SLC25A13: variants seen among roughly 807,000 people sequenced by gnomAD.
The protein encoded by SLC25A13 is electrogenic aspartate/glutamate antiporter SLC25A13, mitochondrial.
Under a neutral mutation model 85.5 loss-of-function variants are expected in SLC25A13, and 70 were observed. That is an observed-to-expected ratio of 0.82 (90% CI 0.68 to 1.00). The LOEUF is 1.00. Ranked by LOEUF, SLC25A13 falls within the 50% of genes least tolerant of loss-of-function variation. The pLI, the probability that SLC25A13 is intolerant of heterozygous loss-of-function variation, is 0.00. For synonymous variants in SLC25A13, 259 were observed against 288.7 expected, an observed-to-expected ratio of 0.90 and a Z score of 1.04; for missense variants, 765 against 819.8, an observed-to-expected ratio of 0.93 and a Z score of 0.82.
chr7:96,146,535 CT>C lies in SLC25A13; in HGVS notation c.1452+20del, dbSNP rs1237008731. Reference sequence around the variant, plus strand: ...GATGAGAAAGTAATCAAATAAATGACTAAAAAAAAAAAAAAGTTACCTTGTA... The same window carrying C: ...GATGAGAAAGTAATCAAATAAATGACAAAAAAAAAAAAAAGTTACCTTGTA... On this transcript the variant is annotated intron_variant, in intron 14 of 17. Transcript: ENST00000265631. 2 of 1,553,612 alleles carry C rather than the reference CT, an allele frequency of 1.3e-6. No individual in the cohort carries two copies. Among genetic ancestry groups the C allele is most frequent in the Non-Finnish European group, 1.8e-6 (2 of 1,133,648 alleles).
chr7:96,162,323 TG>T (rs1793539080), intron 13 of SLC25A13, among the ~76,000 whole-genome samples: 1 of 152,208 alleles, frequency 6.6e-6, no homozygotes, highest in African/African-American at 2.4e-5. Context: ...TAAGGAATGG[TG>T]ACTTTGAGTA....
intron 4 of SLC25A13, among the ~76,000 whole-genome samples, chr7:96,221,663 ATATT>A (rs1374743904): frequency 6.6e-6 from 1 of 152,190 alleles, no homozygotes; most frequent in Non-Finnish European, 1.5e-5. Flanking sequence ...CTAGCTTTAT[ATATT>A]TAATATTAAA....
In SLC25A13 at chr7:96,278,872, A is replaced by T. The variant is rs564482219; in HGVS notation, c.70-1534T>A. 9.8e-5 allele frequency among the ~76,000 whole-genome samples: 15 copies of T among 152,320 alleles called. No individual in the cohort carries two copies. In the South Asian group the frequency reaches 3.1e-3, roughly 32 times the overall value. ...CCAAAACAAGATGAAAATATAAAGG[A>T]AATATCACTGCTAATTACAGCAATC... On this transcript the variant is annotated intron_variant, in intron 2 of 17. Transcript: ENST00000265631.
intron 4 of SLC25A13, among the ~76,000 whole-genome samples, chr7:96,231,482 T>A (rs1202777840): frequency 6.6e-6 from 1 of 152,110 alleles, no homozygotes. Context: ...CCCAGCAGTT[T>A]GGGAGGCTGA....
intron 5 of SLC25A13, among the ~76,000 whole-genome samples, chr7:96,197,375 AAGG>A (rs1311505006): frequency 6.6e-6 from 1 of 152,196 alleles, no homozygotes; most frequent in Admixed American, 6.5e-5. Flanking sequence ...AGCAGAGACC[AAGG>A]AGGAGAGAAA....
chr7:96,177,250 G>C (rs569509828), intron 11 of SLC25A13, among the ~76,000 whole-genome samples: 2 of 152,306 alleles, frequency 1.3e-5, no homozygotes, highest in Non-Finnish European at 2.9e-5. Flanking sequence ...CAAGCAGTGA[G>C]AGCACATGTG....
intron 1 of SLC25A13, among the ~76,000 whole-genome samples, chr7:96,314,083 A>G (rs1005328036): frequency 1.3e-5 from 2 of 152,124 alleles, no homozygotes; most frequent in Non-Finnish European, 2.9e-5. Flanking sequence ...AAAGAAGACG[A>G]AAGAAGAAAG....
At chr7:96,158,906 T>C (rs1429022655) in intron 13 of SLC25A13, among the ~76,000 whole-genome samples, 2 of 152,212 alleles carry the variant, frequency 1.3e-5, no homozygotes, top group Non-Finnish European at 2.9e-5. Flanking sequence ...ACTAACTCAA[T>C]GTTAAATAGA....
intron 5 of SLC25A13, among the ~76,000 whole-genome samples, chr7:96,194,442 CAAA>C (rs546248549): frequency 2.7e-3 from 74 of 27,682 alleles, no homozygotes; most frequent in South Asian, 4.5e-3. Flanking sequence ...AACCTTGTCT[CAAA>C]AAAAAAAAAA....
At chr7:96,182,081 A>G (rs780544159) in intron 11 of SLC25A13, among the ~76,000 whole-genome samples, 2 of 152,218 alleles carry the variant, frequency 1.3e-5, no homozygotes, top group Non-Finnish European at 2.9e-5. Flanking sequence ...CTCTTACCCA[A>G]TAAGCACTTA....
chr7:96,289,998 G>C (rs1243551263), intron 2 of SLC25A13, among the ~76,000 whole-genome samples: 1 of 152,152 alleles, frequency 6.6e-6, no homozygotes, highest in Non-Finnish European at 1.5e-5. Flanking sequence ...AAAATGTTAA[G>C]GGCAGCCAGA....
chr7:96,229,752 C>T (rs1796464416), intron 4 of SLC25A13, among the ~76,000 whole-genome samples: 1 of 152,112 alleles, frequency 6.6e-6, no homozygotes, highest in Non-Finnish European at 1.5e-5. Flanking sequence ...AGCTTCACTC[C>T]TGAAGCCAGC....
chr7:96,312,486 C>T (rs959278645), intron 1 of SLC25A13, among the ~76,000 whole-genome samples: 5 of 152,100 alleles, frequency 3.3e-5, no homozygotes, highest in Non-Finnish European at 2.9e-5. Context: ...TTCCCTGCTA[C>T]CTTGTAGATG....
chr7:96,287,503 G>C (rs1274364697), intron 2 of SLC25A13, among the ~76,000 whole-genome samples: 1 of 152,154 alleles, frequency 6.6e-6, no homozygotes, highest in East Asian at 1.9e-4. Flanking sequence ...AACTCTGCAT[G>C]AATTCTCACC....
chr7:96,239,259 A>C (rs534292265), intron 3 of SLC25A13, among the ~76,000 whole-genome samples: 1 of 149,880 alleles, frequency 6.7e-6, no homozygotes, highest in East Asian at 1.9e-4. Flanking sequence ...ATAATGTATT[A>C]TTGTTCACCA....
chr7:96,237,156 T>G (rs780290540), intron 3 of SLC25A13, among the ~76,000 whole-genome samples: 1 of 152,300 alleles, frequency 6.6e-6, no homozygotes, highest in Non-Finnish European at 1.5e-5. Context: ...GTAAGGCTGG[T>G]AGAGAAAGTC....
At chr7:96,122,547 A>G (rs1202225167) in intron 15 of SLC25A13, among the ~76,000 whole-genome samples, 1 of 151,918 alleles carries the variant, frequency 6.6e-6, no homozygotes, top group Non-Finnish European at 1.5e-5. Flanking sequence ...TATCTAAAAA[A>G]CACTATGTGT....
At chr7:96,284,662 G>A (rs1287706354) in intron 2 of SLC25A13, among the ~76,000 whole-genome samples, 1 of 152,212 alleles carries the variant, frequency 6.6e-6, no homozygotes, top group East Asian at 1.9e-4. Context: ...GCCAGGTGGA[G>A]ATAACTGAAT....
At chr7:96,137,467 T>A (rs1001194911) in intron 14 of SLC25A13, among the ~76,000 whole-genome samples, 3 of 152,186 alleles carry the variant, frequency 2.0e-5, no homozygotes, top group African/African-American at 7.2e-5. Flanking sequence ...GCTAGTTCTC[T>A]ATTGTTCTAG....
Sources: gnomAD v4.1 joint callset for allele counts (sites outside exome capture counted in the v4.1 genomes callset) on GRCh38, gnomAD v4.1.1 for gene constraint, MANE v1.5 for transcripts, NCBI Gene and HGNC (gene_info 2026-07-23, HGNC 2026-07-21) for gene names.